IFT46: variants seen among roughly 807,000 people sequenced by gnomAD.
The protein encoded by IFT46 is intraflagellar transport protein 46 homolog.
IFT46 carries 19 observed loss-of-function variants against 39.6 expected under a neutral mutation model. That is an observed-to-expected ratio of 0.48 (90% CI 0.33 to 0.70). IFT46 has a LOEUF of 0.70. IFT46 is among the 30% of genes least tolerant of loss of function. The probability of loss-of-function intolerance (pLI) is 0.01; values close to 1 mark genes in which losing one functional copy is unlikely to be tolerated. For synonymous variants in IFT46, 117 were observed against 134.8 expected, an observed-to-expected ratio of 0.87 and a Z score of 0.91; for missense variants, 334 against 364.8, an observed-to-expected ratio of 0.92 and a Z score of 0.69.
At chr11:118,571,926 A>T (rs1416619101) in intron 1 of IFT46, among the ~76,000 whole-genome samples, 1 of 152,016 alleles carries the variant, frequency 6.6e-6, no homozygotes. Flanking sequence ...CGTCTCAACT[A>T]AAAATACAAA....
chr11:118,552,170 A>C, intron 8 of IFT46, 44 bp downstream of exon 8: 1 of 1,608,560 alleles, frequency 6.2e-7, no homozygotes, highest in Non-Finnish European at 8.5e-7. Flanking sequence ...CAGGTAGTGA[A>C]GGTTACTATG....
upstream of IFT46, among the ~76,000 whole-genome samples, chr11:118,569,261 A>G (rs1302872595): frequency 6.6e-6 from 1 of 151,550 alleles, no homozygotes; most frequent in Non-Finnish European, 1.5e-5. Context: ...CCCGGGCAAC[A>G]AAAGCGAAAC....
chr11:118,549,116 CTTGAA>C (rs2135480919), intron 9 of IFT46, among the ~76,000 whole-genome samples: 1 of 151,868 alleles, frequency 6.6e-6, no homozygotes, highest in South Asian at 2.1e-4. Flanking sequence ...CCAGGCTGGT[CTTGAA>C]CTCCTGGCCT....
At chr11:118,548,202 A>G (rs1450286149) in intron 9 of IFT46, among the ~76,000 whole-genome samples, 2 of 149,930 alleles carry the variant, frequency 1.3e-5, no homozygotes, top group African/African-American at 5.0e-5. Flanking sequence ...TTTCTTATTA[A>G]TATATAAGAG....
At chr11:118,548,893 C>CTTT (rs570165873) in intron 9 of IFT46, among the ~76,000 whole-genome samples, 1 of 135,438 alleles carries the variant, frequency 7.4e-6, no homozygotes, top group East Asian at 2.2e-4. Context: ...TCCATTATGA[C>CTTT]TTTTTTTTTT....
chr11:118,554,431 T>C (rs1412573280), intron 7 of IFT46, 28 bp downstream of exon 7: 5 of 1,567,388 alleles, frequency 3.2e-6, no homozygotes, highest in Non-Finnish European at 4.3e-6. Context: ...CCTCTCCAGC[T>C]GGGGCCTATA....
At chr11:118,573,692 G>C (rs749526624), upstream of IFT46, 76 of 702,380 alleles carry the variant, frequency 1.1e-4, no homozygotes, top group Non-Finnish European at 1.2e-4. Context: ...ATCCTAATAA[G>C]TTCTATTGAC....
chr11:118,549,490 CTATGAG>C (rs1951768816), intron 9 of IFT46, among the ~76,000 whole-genome samples: 1 of 150,052 alleles, frequency 6.7e-6, no homozygotes, highest in South Asian at 2.1e-4. Context: ...CCTTTCATTT[CTATGAG>C]TTTAAACTGT....
chr11:118,549,189 A>G (rs1278818474), intron 9 of IFT46, among the ~76,000 whole-genome samples: 1 of 148,852 alleles, frequency 6.7e-6, no homozygotes, highest in African/African-American at 2.5e-5. Flanking sequence ...ATGAGCCACC[A>G]TGTCCAGCTC....
intron 9 of IFT46, among the ~76,000 whole-genome samples, chr11:118,549,679 C>T (rs749974455): frequency 6.6e-6 from 1 of 152,006 alleles, no homozygotes; most frequent in Non-Finnish European, 1.5e-5. Context: ...TGTGCACCAC[C>T]ACGCCTGGCT....
chr11:118,552,277 G>C lies in IFT46; in HGVS notation c.542C>G (p.Thr181Arg). 6.2e-7 allele frequency: 1 copy of C among 1,614,174 alleles called. No homozygotes were observed. Residue 181 changes from threonine (T) to arginine (R), a missense_variant, in exon 8 of 12, where the codon ACG becomes AGG. By Grantham distance (71) the Thr-to-Arg change is moderately conservative. Transcript: ENST00000264021. ...TAATTCAGAGATGCTCTCAATCCAC[G>C]TGTCAATGGCTTTGGGATTCTTTTC... ...DAEKNPKAID[T>R]WIESISELHR...
upstream of IFT46, among the ~76,000 whole-genome samples, chr11:118,570,300 T>G (rs1255146536): frequency 6.6e-6 from 1 of 151,924 alleles, no homozygotes; most frequent in Non-Finnish European, 1.5e-5. Flanking sequence ...GACCTTGTGA[T>G]CCGCCCACCT....
In IFT46 at chr11:118,555,280, A is replaced by G; in HGVS notation, c.228T>C (p.Ala76=). The G allele has an allele frequency of 6.2e-7, 1 of 1,614,132 alleles. No individual in the cohort carries two copies. The highest frequency in any genetic ancestry group is 8.5e-7 in the Non-Finnish European group (1 of 1,179,990). The change falls in exon 5 of 12, where the codon GCT becomes GCC. Residue 76 remains alanine (A), a synonymous_variant. Coordinates refer to ENST00000264021, the MANE Select transcript of IFT46 (RefSeq NM_001168618.2). The part of the protein sequence containing the change: ...PADYEHLPVS[A]EIKELFQYIS... ...TGTACTGGAAGAGTTCCTTAATTTC[A>G]GCAGAAACTGGCAAATGCTCATAGT...
chr11:118,575,449 G>T (rs936838636), upstream of IFT46, among the ~76,000 whole-genome samples: 1 of 146,198 alleles, frequency 6.8e-6, no homozygotes, highest in African/African-American at 2.6e-5. Context: ...TTAATTCTCT[G>T]CAAGCTTTTG....
intron 8 of IFT46, 137 bp downstream of exon 8, chr11:118,552,077 C>T: frequency 1.8e-6 from 2 of 1,092,646 alleles, no homozygotes; most frequent in Non-Finnish European, 2.7e-6. Context: ...CAATCTCAGC[C>T]AGTAGTTGCC....
upstream of IFT46, among the ~76,000 whole-genome samples, chr11:118,567,810 G>T (rs944871853): frequency 1.3e-5 from 2 of 152,122 alleles, no homozygotes; most frequent in Admixed American, 1.3e-4. Flanking sequence ...TAGTTTTTTT[G>T]TGGGGAGCAC....
rs937956179 is a variant in IFT46 at position 118,544,636 on chromosome 11, C to A, written c.*280G>T. The A allele has an allele frequency of 8.2e-6, 3 of 367,838 alleles. No homozygotes were observed. Among genetic ancestry groups the A allele is most frequent in the African/African-American group, 6.2e-5 (3 of 48,182 alleles). The allele number at this position is 367,838 out of a possible 1,614,324, so 22.8% of individuals were successfully genotyped here. On this transcript the variant is annotated 3_prime_UTR_variant, in exon 12 of 12. Coordinates refer to ENST00000264021, the MANE Select transcript of IFT46 (RefSeq NM_001168618.2). ...AAGGACATCTTTTAAGCTTTCCTCC[C>A]AATCTAACCTCCATGGGATCTCAGA...
In IFT46 at chr11:118,564,688, AAAAAG is replaced by A. The variant is rs549583534; in HGVS notation, c.-36+272_-36+276del. ...AAGCTAGGAAAAACATAAGTTAAAA[AAAAAG>A]AAAAGAAAAAGAAAAAGAACAGTGA... is the stretch of plus-strand genomic sequence containing the variant. On this transcript the variant is annotated intron_variant, in intron 2 of 11. Transcript: ENST00000264021. 5.7e-3 allele frequency among the ~76,000 whole-genome samples: 862 copies of A among 152,346 alleles called. 13 individuals are homozygous for A. The highest frequency in any genetic ancestry group is 0.019 in the African/African-American group (788 of 41,578).
intron 1 of IFT46, chr11:118,565,441 G>C (rs1225418757): frequency 3.6e-5 from 5 of 140,626 alleles, no homozygotes; most frequent in African/African-American, 1.3e-4. Flanking sequence ...AAAGAGTTCT[G>C]TCTCTGGAGT....
Sources: allele counts gnomAD v4.1 joint callset (sites outside exome capture counted in the v4.1 genomes callset), GRCh38; gene constraint gnomAD v4.1.1; transcripts MANE v1.5; gene names NCBI Gene and HGNC (gene_info 2026-07-23, HGNC 2026-07-21).